The following INPP5D variants were observed in gnomAD, a reference collection of about 807,000 sequenced individuals.
INPP5D encodes phosphatidylinositol 3,4,5-trisphosphate 5-phosphatase 1.
Under a neutral mutation model 122.9 loss-of-function variants are expected in INPP5D, and 33 were observed. The ratio of observed to expected loss-of-function variants is 0.27; its 90% CI spans 0.20 to 0.36. The LOEUF is 0.36. INPP5D is among the 10% of genes least tolerant of loss of function. The pLI is 1.00. For missense variants in INPP5D, 1,053 were observed against 1,412.7 expected (o/e 0.75, Z 4.08); for synonymous variants, 584 against 576.2 (o/e 1.01, Z -0.19).
intron 9 of INPP5D, among the ~76,000 whole-genome samples, chr2:233,149,524 A>G (rs765841056): frequency 9.2e-5 from 14 of 152,148 alleles, no homozygotes; most frequent in Non-Finnish European, 1.9e-4. Context: ...TCTGTCCCCC[A>G]GGTATAGGGA....
intron 1 of INPP5D, among the ~76,000 whole-genome samples, chr2:233,077,665 A>C (rs1691558417): frequency 7.5e-6 from 1 of 133,098 alleles, no homozygotes. Flanking sequence ...CTGTCTCAAA[A>C]AAAAAAAAAA....
rs1038109424 is a variant in INPP5D at position 233,175,447 on chromosome 2, C to T, written c.1990-1818C>T. Among the ~76,000 whole-genome samples, 3 of 152,014 alleles carry T rather than the reference C, an allele frequency of 2.0e-5. No individual in the cohort carries two copies. The East Asian group carries it at 5.8e-4, about 29-fold the overall frequency. On this transcript the variant is annotated intron_variant, in intron 17 of 26. Coordinates refer to ENST00000445964, the MANE Select transcript of INPP5D (RefSeq NM_001017915.3). ...TAAATTAATCAATGGAGATGTTAGT[C>T]ACACTAATGCTCACCTTTAGGAGGC...
rs1166055243 is a variant in INPP5D, at chr2:233,082,340, A to G, written c.198+2942A>G. Among the ~76,000 whole-genome samples the G allele has an allele frequency of 2.0e-5, 3 of 152,084 alleles. No homozygotes were observed. The highest frequency in any genetic ancestry group is 4.4e-5 in the Non-Finnish European group (3 of 68,014). On this transcript the variant is annotated intron_variant, in intron 2 of 26. Coordinates refer to ENST00000445964, the MANE Select transcript of INPP5D (RefSeq NM_001017915.3). This position sits in a 1 kb window ranked among gnomAD's most constrained non-coding sequence, Gnocchi z 4.7. ...TTCGGGGAAGCTTTAGCAGTTATTG[A>G]TCTCTGCCTATTTTAACTCAAGTTC...
intron 5 of INPP5D, among the ~76,000 whole-genome samples, chr2:233,138,303 TAAAAAAA>T (rs749510803): frequency 3.9e-5 from 4 of 103,664 alleles, no homozygotes; most frequent in Non-Finnish European, 5.6e-5. Flanking sequence ...TAAGATTGTC[TAAAAAAA>T]AAAAAAAAAA....
At chr2:233,069,976 C>A (rs1559272268) in intron 1 of INPP5D, among the ~76,000 whole-genome samples, 1 of 152,212 alleles carries the variant, frequency 6.6e-6, no homozygotes, top group Non-Finnish European at 1.5e-5. Flanking sequence ...CCGCCTCATT[C>A]TAACCTTCCT....
Position 233,139,922 on chromosome 2 carries a change from G to A in INPP5D, c.746G>A (p.Arg249His), listed in dbSNP as rs1293054326. 1.3e-5 allele frequency: 5 copies of A among 398,718 alleles called. No homozygotes were observed. Among genetic ancestry groups the A allele is most frequent in the South Asian group, 1.3e-4 (1 of 7,854 alleles). 24.7% of individuals were successfully genotyped at this position (398,718 alleles called of 1,614,324 possible). Reference protein sequence around the residue: ...DQQLSPGLRPRPQVPGEANPI... With the variant: ...DQQLSPGLRPHPQVPGEANPI... ...CAGCTCTCCCCGGGCCTCCGTCCAC[G>A]TCCTCAGGTAAAGGGTCTTGGGGTT... The change falls in exon 6 of 27, where the codon CGT (arginine) becomes CAT (histidine). Residue 249 changes from arginine (R) to histidine (H), a missense_variant. Transcript: ENST00000445964.
intron 8 of INPP5D, 81 bp from the exon 9 acceptor site, chr2:233,147,390 T>A (rs761824750): frequency 4.4e-6 from 3 of 685,138 alleles, no homozygotes; most frequent in Non-Finnish European, 8.1e-6. Flanking sequence ...CCCAGCCATG[T>A]AGACAAGGGG....
At chr2:233,095,992 A>T (rs541247465) in intron 2 of INPP5D, among the ~76,000 whole-genome samples, 1 of 152,314 alleles carries the variant, frequency 6.6e-6, no homozygotes, top group African/African-American at 2.4e-5. Flanking sequence ...ATCCAAGTTC[A>T]TTCATGCATC....
intron 25 of INPP5D, among the ~76,000 whole-genome samples, chr2:233,198,890 C>A (rs911629978): frequency 2.0e-5 from 3 of 151,098 alleles, no homozygotes; most frequent in African/African-American, 7.3e-5. Flanking sequence ...GTGGAGGTTG[C>A]GGTGCGCCGA....
intron 18 of INPP5D, among the ~76,000 whole-genome samples, chr2:233,181,030 AG>A (rs1230598740): frequency 1.3e-4 from 20 of 152,262 alleles, no homozygotes; most frequent in South Asian, 6.2e-4. Flanking sequence ...GTCTCAGAGA[AG>A]GGGTAGCCTC....
chr2:233,106,005 TTG>T (rs1435640415), intron 2 of INPP5D, among the ~76,000 whole-genome samples: 5 of 152,190 alleles, frequency 3.3e-5, no homozygotes, highest in Admixed American at 6.5e-5. Flanking sequence ...ATAAAACAAG[TTG>T]TGTGACATTG....
At chr2:233,060,639 G>A in intron 1 of INPP5D, 27 bp downstream of exon 1, 1 of 1,612,712 alleles carries the variant, frequency 6.2e-7, no homozygotes, top group Non-Finnish European at 8.5e-7. Context: ...CCCTCCCCGG[G>A]CACAGATATG....
intron 2 of INPP5D, among the ~76,000 whole-genome samples, chr2:233,112,633 G>A (rs1231882315): frequency 6.6e-6 from 1 of 152,150 alleles, no homozygotes; most frequent in Non-Finnish European, 1.5e-5. Context: ...AGGAAATAGT[G>A]TGTGCACATA....
chr2:233,155,211 A>T lies in INPP5D; in HGVS notation c.1031-3102A>T, dbSNP rs191286540. ...AATAAAAAATATTATAGCAGTAATTAAAAAAAATAAGAACCCAATGGAAGA... is the reference window on the plus strand; with the variant it reads ...AATAAAAAATATTATAGCAGTAATTTAAAAAAATAAGAACCCAATGGAAGA... On this transcript the variant is annotated intron_variant, in intron 9 of 26. Transcript: ENST00000445964. Among the ~76,000 whole-genome samples, 4 of 152,236 alleles carry T rather than the reference A, an allele frequency of 2.6e-5. No homozygotes were observed. The East Asian group carries it at 7.7e-4, about 29-fold the overall frequency.
At chr2:233,108,235 G>T (rs886756917) in intron 2 of INPP5D, among the ~76,000 whole-genome samples, 3 of 152,158 alleles carry the variant, frequency 2.0e-5, no homozygotes, top group African/African-American at 7.2e-5. Flanking sequence ...CCTCCTCCGG[G>T]ATCTCACTAT....
Position 233,105,777 on chromosome 2 carries a change from C to G in INPP5D, c.199-16330C>G, listed in dbSNP as rs191462075. 6.7e-4 allele frequency among the ~76,000 whole-genome samples: 102 copies of G among 152,220 alleles called. 1 individual carries two copies. The highest frequency in any genetic ancestry group is 2.2e-3 in the African/African-American group (92 of 41,526). On this transcript the variant is annotated intron_variant, in intron 2 of 26. Transcript: ENST00000445964. The surrounding 1 kb of genome is among the most constrained non-coding windows in gnomAD (Gnocchi z 4.0). ...TTCGAGGACAGGGGCCACAGGAGGA[C>G]AGGCTGCCAGCAAGTGGAGGGTGCC...
chr2:233,060,634 C>A (rs1256535638), intron 1 of INPP5D, 22 bp downstream of exon 1: 1 of 1,612,980 alleles, frequency 6.2e-7, no homozygotes, highest in African/African-American at 1.3e-5. Flanking sequence ...CTGCTCCCTC[C>A]CCGGGCACAG....
At chr2:233,178,400 A>C (rs2106310389) in intron 18 of INPP5D, among the ~76,000 whole-genome samples, 1 of 152,332 alleles carries the variant, frequency 6.6e-6, no homozygotes, top group South Asian at 2.1e-4. Flanking sequence ...GTGAGACCTT[A>C]AAAATCCACA....
At chr2:233,156,170 A>G (rs1160664190) in intron 9 of INPP5D, among the ~76,000 whole-genome samples, 1 of 152,246 alleles carries the variant, frequency 6.6e-6, no homozygotes, top group Non-Finnish European at 1.5e-5. Context: ...CACTGGGCAT[A>G]GTTCCAAGAC....
Sources: allele counts gnomAD v4.1 joint callset (sites outside exome capture counted in the v4.1 genomes callset), GRCh38; gene constraint gnomAD v4.1.1; non-coding constraint Gnocchi (gnomAD v3.1); transcripts MANE v1.5; gene names NCBI Gene and HGNC (gene_info 2026-07-23, HGNC 2026-07-21).